Variants in KCNJ6 observed in about 807,000 individuals in gnomAD.
The protein encoded by KCNJ6 is potassium inwardly rectifying channel subfamily J member 6, also known as G protein-activated inward rectifier potassium channel 2.
In KCNJ6, 9 loss-of-function variants were observed where a neutral mutation model predicts 34.2. The ratio of observed to expected loss-of-function variants is 0.26; its 90% CI spans 0.16 to 0.46. The LOEUF (loss-of-function observed/expected upper bound fraction) is 0.46. Ranked by LOEUF, KCNJ6 falls within the 20% of genes least tolerant of loss-of-function variation. The probability of loss-of-function intolerance (pLI) is 1.00; values close to 1 mark genes in which losing one functional copy is unlikely to be tolerated. For synonymous variants in KCNJ6, 196 were observed against 207.1 expected, an observed-to-expected ratio of 0.95 and a Z score of 0.46; for missense variants, 236 against 531.3, an observed-to-expected ratio of 0.44 and a Z score of 5.46.
At chr21:37,844,818 C>T (rs2836020) in intron 1 of KCNJ6, among the ~76,000 whole-genome samples, 27,499 of 152,074 alleles carry the variant, frequency 0.18, 3,900 homozygotes, top group East Asian at 0.46. Context: ...TTTGTTTGTG[C>T]ACAAATGCAT....
At chr21:37,626,975 G>GCAGC (rs1304330764) in intron 3 of KCNJ6, among the ~76,000 whole-genome samples, 2 of 152,182 alleles carry the variant, frequency 1.3e-5, no homozygotes, top group African/African-American at 2.4e-5. Context: ...ATTCAGGAGA[G>GCAGC]CAGCCAGCCA....
At chr21:37,725,334 A>C (rs2054848781) in intron 2 of KCNJ6, among the ~76,000 whole-genome samples, 1 of 152,198 alleles carries the variant, frequency 6.6e-6, no homozygotes, top group Non-Finnish European at 1.5e-5. Flanking sequence ...CAGAGGTTGC[A>C]GTGAGCCGAG....
intron 3 of KCNJ6, among the ~76,000 whole-genome samples, chr21:37,712,179 G>C (rs1285878490): frequency 6.6e-6 from 1 of 152,192 alleles, no homozygotes; most frequent in African/African-American, 2.4e-5. Flanking sequence ...GCTCAGACTA[G>C]CATCAGTAAC....
chr21:37,635,661 G>T (rs1033582458), intron 3 of KCNJ6, among the ~76,000 whole-genome samples: 1 of 151,882 alleles, frequency 6.6e-6, no homozygotes, highest in Non-Finnish European at 1.5e-5. Context: ...GGGATTACAG[G>T]CATGTGCCAC....
chr21:37,737,506 A>C, intron 2 of KCNJ6, among the ~76,000 whole-genome samples: 1 of 152,190 alleles, frequency 6.6e-6, no homozygotes, highest in Admixed American at 6.5e-5. Context: ...TAAAAGGAAA[A>C]GTTTTCCTAG....
intron 3 of KCNJ6, among the ~76,000 whole-genome samples, chr21:37,668,497 C>T (rs904944212): frequency 1.3e-5 from 2 of 152,184 alleles, no homozygotes; most frequent in African/African-American, 4.8e-5. Flanking sequence ...AGGGCCCACC[C>T]TAATGGCCTC....
At chr21:37,795,129 G>A (rs2055235037) in intron 2 of KCNJ6, among the ~76,000 whole-genome samples, 1 of 152,178 alleles carries the variant, frequency 6.6e-6, no homozygotes, top group African/African-American at 2.4e-5. Context: ...AGGTCATCAA[G>A]AGAAGGTAAA....
intron 1 of KCNJ6, among the ~76,000 whole-genome samples, chr21:37,905,382 C>A (rs377304535): frequency 1.3e-5 from 2 of 152,180 alleles, no homozygotes; most frequent in African/African-American, 4.8e-5. Flanking sequence ...CATGCCGATG[C>A]GTGGCGCTCT....
chr21:37,913,340 G>A (rs1356684188), intron 1 of KCNJ6, among the ~76,000 whole-genome samples: 1 of 152,164 alleles, frequency 6.6e-6, no homozygotes, highest in South Asian at 2.1e-4. Flanking sequence ...GGTTTCCTAC[G>A]ACTGCAACCT....
intron 1 of KCNJ6, among the ~76,000 whole-genome samples, chr21:37,906,149 A>G (rs1437231313): frequency 6.6e-6 from 1 of 152,282 alleles, no homozygotes; most frequent in Non-Finnish European, 1.5e-5. Flanking sequence ...CAGTTTATTT[A>G]AATAACCTGC....
At position 37,617,020 on chromosome 21, in the gene KCNJ6, C is replaced by T. The variant is rs2054271195; in HGVS notation, c.*8139G>A. ...CTTTCTCTTTCTTTTCTCTTTCTTT[C>T]TTTCTTTCTTTCTTTCTTTCTTTCT... On this transcript the variant is annotated 3_prime_UTR_variant, in exon 4 of 4. Transcript: ENST00000609713. 4.9e-5 allele frequency: 1 copy of T among 20,380 alleles called. No individual in the cohort carries two copies. Among genetic ancestry groups the T allele is most frequent in the Admixed American group, 5.9e-4 (1 of 1,682 alleles). 1.3% of individuals were successfully genotyped at this position (20,380 alleles called of 1,614,324 possible). A position where few individuals can be genotyped will look rare whatever the true frequency, so the allele number is the denominator to read the frequency against.
At chr21:37,739,796 G>A (rs1266842810) in intron 2 of KCNJ6, among the ~76,000 whole-genome samples, 1 of 152,068 alleles carries the variant, frequency 6.6e-6, no homozygotes, top group Non-Finnish European at 1.5e-5. Context: ...CTGGAAAAAC[G>A]GGCATTTACA....
chr21:37,756,698 C>A, intron 2 of KCNJ6, among the ~76,000 whole-genome samples: 1 of 142,140 alleles, frequency 7.0e-6, no homozygotes, highest in Non-Finnish European at 1.5e-5. Flanking sequence ...CGTGATGATT[C>A]CAGCCTGGAG....
chr21:37,799,934 A>C (rs2055261330), intron 2 of KCNJ6, among the ~76,000 whole-genome samples: 2 of 152,200 alleles, frequency 1.3e-5, no homozygotes, highest in African/African-American at 4.8e-5. Flanking sequence ...AAATTCCTAC[A>C]AAAAACTATG....
intron 1 of KCNJ6, among the ~76,000 whole-genome samples, chr21:37,857,012 C>T (rs1435920597): frequency 6.6e-6 from 1 of 152,146 alleles, no homozygotes; most frequent in African/African-American, 2.4e-5. Flanking sequence ...TGCCGATACT[C>T]CAATGAAGAC....
At chr21:37,737,665 G>C (rs2054920168) in intron 2 of KCNJ6, among the ~76,000 whole-genome samples, 1 of 152,146 alleles carries the variant, frequency 6.6e-6, no homozygotes, top group East Asian at 1.9e-4. Flanking sequence ...GTGGTGTCTG[G>C]GGACAGGGTT....
intron 2 of KCNJ6, among the ~76,000 whole-genome samples, chr21:37,807,717 C>T (rs1375560084): frequency 6.6e-6 from 1 of 152,200 alleles, no homozygotes; most frequent in East Asian, 1.9e-4. Flanking sequence ...TCTATCTAAA[C>T]ATATCATCTA....
intron 1 of KCNJ6, among the ~76,000 whole-genome samples, chr21:37,888,077 C>T (rs1364533047): frequency 1.3e-5 from 2 of 152,136 alleles, no homozygotes; most frequent in East Asian, 3.9e-4. Context: ...CAGGCTGTTC[C>T]CAATTGTCTC....
Position 37,916,169 on chromosome 21 carries a change from G to A in KCNJ6, c.-313C>T, listed in dbSNP as rs2123659170. The A allele has an allele frequency of 6.6e-6, 1 of 152,274 alleles. No homozygotes were observed. The highest frequency in any genetic ancestry group is 1.9e-4 in the East Asian group (1 of 5,138). The allele number at this position is 152,274 out of a possible 1,614,324, so 9.4% of individuals were successfully genotyped here. A position where few individuals can be genotyped will look rare whatever the true frequency, so the allele number is the denominator to read the frequency against. ...TCTCCAGCCAGGTGCGGCCGTCTCCGGACTGGCTCCCTCTGGCCGAGCGCG... is the reference window on the plus strand; with the variant it reads ...TCTCCAGCCAGGTGCGGCCGTCTCCAGACTGGCTCCCTCTGGCCGAGCGCG... On this transcript the variant is annotated 5_prime_UTR_variant, in exon 1 of 4. Transcript: ENST00000609713.
Sources: allele counts gnomAD v4.1 joint callset (sites outside exome capture counted in the v4.1 genomes callset), GRCh38; gene constraint gnomAD v4.1.1; transcripts MANE v1.5; gene names NCBI Gene and HGNC (gene_info 2026-07-23, HGNC 2026-07-21).